The following NUFIP1 variants were observed in gnomAD, a reference collection of about 807,000 sequenced individuals.
NUFIP1 encodes the protein nuclear FMR1 interacting protein 1, also known as FMR1-interacting protein NUFIP1.
In NUFIP1, 38 loss-of-function variants were observed where a neutral mutation model predicts 56.2. That is an observed-to-expected ratio of 0.68 (90% CI 0.52 to 0.89). The LOEUF is 0.89. Ranked by LOEUF, NUFIP1 falls within the 40% of genes least tolerant of loss-of-function variation. The pLI, the probability that NUFIP1 is intolerant of heterozygous loss-of-function variation, is 0.00. For missense variants in NUFIP1, 567 were observed against 605.8 expected, an observed-to-expected ratio of 0.94 and a Z score of 0.67; for synonymous variants, 215 against 212.4, an observed-to-expected ratio of 1.01 and a Z score of -0.10.
intron 8 of NUFIP1, among the ~76,000 whole-genome samples, chr13:44,945,742 T>C (rs1039879917): frequency 6.6e-6 from 1 of 152,020 alleles, no homozygotes; most frequent in Admixed American, 6.5e-5. Context: ...ATTCACAAAT[T>C]TTAAGCTCAG....
At chr13:44,982,320 C>T (rs1322427123) in intron 1 of NUFIP1, among the ~76,000 whole-genome samples, 166 bp from the exon 2 acceptor site, 2 of 152,118 alleles carry the variant, frequency 1.3e-5, no homozygotes, top group Non-Finnish European at 2.9e-5. Context: ...TAAGATTAGT[C>T]TACCAAATGA....
intron 7 of NUFIP1, 86 bp from the exon 8 acceptor site, chr13:44,949,924 T>A: frequency 1.2e-6 from 1 of 853,372 alleles, no homozygotes. Flanking sequence ...TAGTGAAAAT[T>A]AAGTAATTTC....
At chr13:44,967,494 A>G (rs772596540) in intron 5 of NUFIP1, among the ~76,000 whole-genome samples, 9 of 152,094 alleles carry the variant, frequency 5.9e-5, no homozygotes, top group Non-Finnish European at 1.2e-4. Context: ...GGCGACACAG[A>G]AAGACTCTGT....
At chr13:44,966,115 A>T (rs1382486202) in intron 5 of NUFIP1, among the ~76,000 whole-genome samples, 179 bp from the exon 6 acceptor site, 1 of 152,218 alleles carries the variant, frequency 6.6e-6, no homozygotes, top group Non-Finnish European at 1.5e-5. Context: ...TGTTACTCAA[A>T]GTGTGGACCA....
At chr13:44,979,365 A>G (rs1305243120) in intron 4 of NUFIP1, 99 bp from the exon 5 acceptor site, 3 of 903,232 alleles carry the variant, frequency 3.3e-6, no homozygotes, top group Non-Finnish European at 5.1e-6. Flanking sequence ...GTTGGACACA[A>G]TTTTAAAACC....
intron 7 of NUFIP1, among the ~76,000 whole-genome samples, chr13:44,951,658 T>C (rs1871087289): frequency 6.6e-6 from 1 of 152,222 alleles, no homozygotes; most frequent in Admixed American, 6.5e-5. Context: ...CTTGGAGATA[T>C]TGTAGATTTG....
At chr13:44,982,945 C>T (rs1872245748) in intron 1 of NUFIP1, among the ~76,000 whole-genome samples, 1 of 152,148 alleles carries the variant, frequency 6.6e-6, no homozygotes, top group Non-Finnish European at 1.5e-5. Context: ...GAGTTTGAGG[C>T]TGCAGTAAGC....
intron 5 of NUFIP1, among the ~76,000 whole-genome samples, chr13:44,973,178 T>G (rs1871862826): frequency 6.6e-6 from 1 of 152,188 alleles, no homozygotes; most frequent in Non-Finnish European, 1.5e-5. Context: ...CAAGGGGGCA[T>G]AGTTCACATT....
At chr13:44,982,713 A>G (rs1371980328) in intron 1 of NUFIP1, among the ~76,000 whole-genome samples, 1 of 152,064 alleles carries the variant, frequency 6.6e-6, no homozygotes, top group African/African-American at 2.4e-5. Context: ...CTGGCTCAAA[A>G]ATTTGCATAT....
chr13:44,975,342 A>G (rs1871934157), intron 5 of NUFIP1, among the ~76,000 whole-genome samples: 1 of 152,162 alleles, frequency 6.6e-6, no homozygotes, highest in Admixed American at 6.5e-5. Context: ...CTCAGACTCA[A>G]CAATGTCCAA....
chr13:44,950,176 CTTTA>C (rs1043609069), intron 7 of NUFIP1, among the ~76,000 whole-genome samples: 2 of 152,182 alleles, frequency 1.3e-5, no homozygotes, highest in African/African-American at 2.4e-5. Context: ...AAGACCCAAA[CTTTA>C]TTTAACTTCA....
At chr13:44,962,442 C>T (rs576374219) in intron 6 of NUFIP1, among the ~76,000 whole-genome samples, 93 of 152,282 alleles carry the variant, frequency 6.1e-4, no homozygotes, top group African/African-American at 2.0e-3. Context: ...CTTCATTACT[C>T]GAGCTTTCTT....
At chr13:44,967,862 C>G (rs1037271868) in intron 5 of NUFIP1, among the ~76,000 whole-genome samples, 2 of 152,190 alleles carry the variant, frequency 1.3e-5, no homozygotes, top group African/African-American at 2.4e-5. Flanking sequence ...GAACACAGCT[C>G]TCTACTACCC....
At chr13:44,953,583 A>G (rs936209722) in intron 7 of NUFIP1, among the ~76,000 whole-genome samples, 1 of 152,096 alleles carries the variant, frequency 6.6e-6, no homozygotes. Context: ...TGTGGCACCA[A>G]TTGTTCCAAC....
chr13:44,953,782 A>G (rs1317855279), intron 7 of NUFIP1, among the ~76,000 whole-genome samples: 1 of 152,188 alleles, frequency 6.6e-6, no homozygotes, highest in African/African-American at 2.4e-5. Context: ...AGTATTTGGA[A>G]ACCACAATTA....
At chr13:44,987,565 T>C (rs1309389963) in intron 1 of NUFIP1, among the ~76,000 whole-genome samples, 1 of 152,086 alleles carries the variant, frequency 6.6e-6, no homozygotes, top group Non-Finnish European at 1.5e-5. Context: ...AAACATACTT[T>C]TACATGCAAC....
chr13:44,941,867 A>G (rs1278805189), intron 9 of NUFIP1, among the ~76,000 whole-genome samples: 1 of 152,016 alleles, frequency 6.6e-6, no homozygotes, highest in Non-Finnish European at 1.5e-5. Flanking sequence ...GTCCTCTCTA[A>G]GAGTATCTAG....
chr13:44,973,001 G>A (rs1169918350), intron 5 of NUFIP1, among the ~76,000 whole-genome samples: 1 of 152,152 alleles, frequency 6.6e-6, no homozygotes, highest in African/African-American at 2.4e-5. Flanking sequence ...TATATTCAAA[G>A]GTTGCTGAGA....
At chr13:44,988,645 T>C (rs1034334270) in intron 1 of NUFIP1, among the ~76,000 whole-genome samples, 2 of 152,220 alleles carry the variant, frequency 1.3e-5, no homozygotes, top group Non-Finnish European at 2.9e-5. Context: ...ACCCAGATTC[T>C]GGTACATAGT....
Sources: gnomAD v4.1 joint callset for allele counts (sites outside exome capture counted in the v4.1 genomes callset) on GRCh38, gnomAD v4.1.1 for gene constraint, MANE v1.5 for transcripts, NCBI Gene and HGNC (gene_info 2026-07-23, HGNC 2026-07-21) for gene names.